DTNA: variants seen among roughly 807,000 people sequenced by gnomAD.
DTNA encodes the protein dystrophin-related protein 3.
A neutral mutation model predicts 100.7 loss-of-function variants in DTNA; 43 were observed. That is an observed-to-expected ratio of 0.43 (90% confidence interval 0.33 to 0.55). The LOEUF (loss-of-function observed/expected upper bound fraction) is 0.55, where lower values mean the gene tolerates loss of function less well. Ranked by LOEUF, DTNA falls within the 20% of genes least tolerant of loss-of-function variation. The probability of loss-of-function intolerance (pLI) is 0.04; values close to 1 mark genes in which losing one functional copy is unlikely to be tolerated. For synonymous variants in DTNA, 349 were observed against 347.9 expected (o/e 1.00, Z -0.04); for missense variants, 798 against 953.9 (o/e 0.84, Z 2.15).
At chr18:34,570,817 A>G (rs1598647341) in intron 1 of DTNA, among the ~76,000 whole-genome samples, 1 of 152,238 alleles carries the variant, frequency 6.6e-6, no homozygotes, top group East Asian at 1.9e-4. Context: ...AATTTTGGGT[A>G]CCTCTATGTA....
intron 1 of DTNA, among the ~76,000 whole-genome samples, chr18:34,552,168 A>T (rs569519243): frequency 1.3e-5 from 2 of 151,960 alleles, no homozygotes; most frequent in South Asian, 4.2e-4. Flanking sequence ...ATATTTTTCC[A>T]TCGTTACTTT....
At chr18:34,665,573 C>T (rs1366404801) in intron 1 of DTNA, among the ~76,000 whole-genome samples, 2 of 152,144 alleles carry the variant, frequency 1.3e-5, no homozygotes, top group African/African-American at 4.8e-5. Flanking sequence ...TCCCTCCCCA[C>T]TCCCTCCACC....
chr18:34,877,463 T>C (rs542214713), intron 18 of DTNA, among the ~76,000 whole-genome samples: 5 of 152,268 alleles, frequency 3.3e-5, no homozygotes, highest in Middle Eastern at 3.4e-3. Context: ...ACCTTCAAAA[T>C]TGTCCCCATA....
At chr18:34,531,389 T>C (rs113585651) in intron 1 of DTNA, among the ~76,000 whole-genome samples, 13 of 152,282 alleles carry the variant, frequency 8.5e-5, no homozygotes, top group African/African-American at 3.1e-4. Context: ...GGCCTCCTGG[T>C]GCATTAGTAT....
intron 16 of DTNA, among the ~76,000 whole-genome samples, chr18:34,862,085 T>C (rs2096635114): frequency 7.1e-6 from 1 of 140,170 alleles, no homozygotes; most frequent in Non-Finnish European, 1.5e-5. Flanking sequence ...TACCAAAGAC[T>C]ACTGTGGATG....
At chr18:34,704,830 G>A (rs972326610) in intron 1 of DTNA, among the ~76,000 whole-genome samples, 2 of 152,154 alleles carry the variant, frequency 1.3e-5, no homozygotes, top group Non-Finnish European at 2.9e-5. Context: ...TGAGATCTCA[G>A]GAATTTGCCT....
Position 34,877,729 on chromosome 18 carries a change from A to T in DTNA, c.1914A>T (p.Arg638Ser). ...VQEAFAQSSRRNLRNDLLVAA... is the reference protein window; with the variant it reads ...VQEAFAQSSRSNLRNDLLVAA... ...TCTTCTTCCCTGAAGGTTCAAGAAG[A>T]AACTTAAGGAATGACTTGCTAGTGG... The change falls in exon 19 of 23, where the codon AGA (arginine) becomes AGT (serine). Residue 638 changes from arginine (R) to serine (S), a missense_variant. This residue lies in a region of DTNA where 242 missense variants were observed against 238.2 expected (regional missense o/e 1.02). Transcript: ENST00000444659. 1 of 1,613,820 alleles carries T rather than the reference A, an allele frequency of 6.2e-7. No individual in the cohort carries two copies. The highest frequency in any genetic ancestry group is 8.5e-7 in the Non-Finnish European group (1 of 1,179,856).
At chr18:34,520,951 A>G (rs1417210052) in intron 1 of DTNA, among the ~76,000 whole-genome samples, 2 of 152,172 alleles carry the variant, frequency 1.3e-5, no homozygotes, top group Non-Finnish European at 2.9e-5. Context: ...GAGGCAAAAG[A>G]TGGTGTCAGT....
At chr18:34,864,097 T>C in intron 17 of DTNA, 35 bp downstream of exon 17, 2 of 1,568,290 alleles carry the variant, frequency 1.3e-6, no homozygotes, top group Non-Finnish European at 1.7e-6. Flanking sequence ...CTGAGCTTAT[T>C]TTCCATGTCA....
At chr18:34,549,988 AGTTTTT>A (rs2045229194) in intron 1 of DTNA, among the ~76,000 whole-genome samples, 1 of 152,032 alleles carries the variant, frequency 6.6e-6, no homozygotes, top group African/African-American at 2.4e-5. Flanking sequence ...TTTAGATATC[AGTTTTT>A]GTTCCTTAAG....
At chr18:34,503,575 C>T (rs915122298) in intron 1 of DTNA, among the ~76,000 whole-genome samples, 5 of 151,822 alleles carry the variant, frequency 3.3e-5, no homozygotes, top group African/African-American at 7.3e-5. Context: ...TGAGCCACCA[C>T]GCCTGGCCTA....
chr18:34,843,885 A>G (rs1399099593), intron 13 of DTNA, among the ~76,000 whole-genome samples: 2 of 152,106 alleles, frequency 1.3e-5, no homozygotes, highest in Admixed American at 1.3e-4. Context: ...GTTTATTGCA[A>G]TCTGTTGAAA....
At chr18:34,626,728 G>A (rs564599287) in intron 1 of DTNA, among the ~76,000 whole-genome samples, 5 of 152,332 alleles carry the variant, frequency 3.3e-5, no homozygotes, top group African/African-American at 1.2e-4. Context: ...CTGAATTTTT[G>A]TAAGGCTTTA....
chr18:34,864,129 A>T, intron 17 of DTNA, 67 bp downstream of exon 17: 2 of 1,401,962 alleles, frequency 1.4e-6, no homozygotes, highest in Non-Finnish European at 2.0e-6. Context: ...TTTTGCACAT[A>T]ATGTGCAATG....
chr18:34,536,778 A>G (rs1382618584), intron 1 of DTNA, among the ~76,000 whole-genome samples: 1 of 152,054 alleles, frequency 6.6e-6, no homozygotes, highest in Non-Finnish European at 1.5e-5. Context: ...ATAAAAACCC[A>G]TATACCAAAT....
intron 1 of DTNA, among the ~76,000 whole-genome samples, chr18:34,698,323 G>A (rs1018914085): frequency 2.6e-5 from 4 of 152,174 alleles, no homozygotes; most frequent in African/African-American, 9.7e-5. Context: ...TAGCTTTGTA[G>A]GCAAAAAGTC....
At chr18:34,566,941 A>T (rs765963080) in intron 1 of DTNA, among the ~76,000 whole-genome samples, 3 of 152,214 alleles carry the variant, frequency 2.0e-5, no homozygotes, top group Non-Finnish European at 4.4e-5. Context: ...AAGTGCATTT[A>T]GGTTTTTTAA....
intron 1 of DTNA, among the ~76,000 whole-genome samples, chr18:34,744,444 C>T (rs892161334): frequency 6.6e-6 from 1 of 151,464 alleles, no homozygotes; most frequent in Admixed American, 6.6e-5. Context: ...ATTTCCTGGT[C>T]TTTCTTGACC....
rs1385387457 is a variant in DTNA at position 34,800,698 on chromosome 18, A to G, written c.363-5521A>G. On this transcript the variant is annotated intron_variant, in intron 4 of 22. Transcript: ENST00000444659. ...GAGAAATAATTCCTTCTGTCTGTTTAAGAAAGAATCAGTCAGAATTGAATC... is the reference window on the plus strand; with the variant it reads ...GAGAAATAATTCCTTCTGTCTGTTTGAGAAAGAATCAGTCAGAATTGAATC... 2.0e-5 allele frequency among the ~76,000 whole-genome samples: 3 copies of G among 152,224 alleles called. No individual in the cohort carries two copies. The East Asian group carries it at 5.8e-4, about 29-fold the overall frequency.
Sources: gnomAD v4.1 joint callset for allele counts (sites outside exome capture counted in the v4.1 genomes callset) on GRCh38, gnomAD v4.1.1 for gene constraint, gnomAD v4.1.1 regional missense constraint, MANE v1.5 for transcripts, NCBI Gene and HGNC (gene_info 2026-07-23, HGNC 2026-07-21) for gene names.